ARAP3: variants seen among roughly 807,000 people sequenced by gnomAD.
The protein encoded by ARAP3 is arf-GAP with Rho-GAP domain, ANK repeat and PH domain-containing protein 3.
A neutral mutation model predicts 169.2 loss-of-function variants in ARAP3; 82 were observed. The observed-to-expected ratio is 0.48, with a 90% CI of 0.41 to 0.58. The LOEUF is 0.58. Ranked by LOEUF, ARAP3 falls within the 20% of genes least tolerant of loss-of-function variation. The probability of loss-of-function intolerance (pLI) is 0.00; values close to 1 mark genes in which losing one functional copy is unlikely to be tolerated. For synonymous variants in ARAP3, 791 were observed against 800.3 expected, an observed-to-expected ratio of 0.99 and a Z score of 0.20; for missense variants, 1,764 against 2,018.0, an observed-to-expected ratio of 0.87 and a Z score of 2.41.
intron 19 of ARAP3, 62 bp from the exon 20 acceptor site, chr5:141,662,317 C>A (rs1359797999): frequency 1.3e-6 from 2 of 1,523,584 alleles, no homozygotes; most frequent in Non-Finnish European, 1.8e-6. Flanking sequence ...CCACCACGGC[C>A]CATCTGTGGC....
chr5:141,672,996 G>A lies in ARAP3; in HGVS notation c.1093+17C>T. On this transcript the variant is annotated intron_variant, in intron 7 of 32. Coordinates refer to ENST00000239440, the MANE Select transcript of ARAP3 (RefSeq NM_022481.6). The surrounding 1 kb of genome is among the most constrained non-coding windows in gnomAD (Gnocchi z 4.9). The stretch of plus-strand genomic sequence containing the variant: ...CTCCCTCCCTCCTGCCCTGACTCAG[G>A]GGGCTGTGGCCCTCACCCTCGCTCT... The A allele has an allele frequency of 1.9e-6, 3 of 1,614,124 alleles. No individual in the cohort carries two copies. Among genetic ancestry groups the A allele is most frequent in the Non-Finnish European group, 1.7e-6 (2 of 1,180,008 alleles).
intron 3 of ARAP3, 32 bp downstream of exon 3, chr5:141,679,729 C>T (rs1309422899): frequency 6.2e-7 from 1 of 1,614,066 alleles, no homozygotes; most frequent in Non-Finnish European, 8.5e-7. Context: ...CCGGCACTAT[C>T]CCTCTCCCCC....
chr5:141,670,415 T>C, intron 14 of ARAP3, 97 bp downstream of exon 14: 1 of 1,321,508 alleles, frequency 7.6e-7, no homozygotes, highest in East Asian at 2.3e-5. Context: ...TGGCCCCACT[T>C]TCCCATCCCA....
chr5:141,677,481 C>G (rs1203348270), intron 4 of ARAP3, among the ~76,000 whole-genome samples: 1 of 148,164 alleles, frequency 6.7e-6, no homozygotes, highest in Non-Finnish European at 1.5e-5. Flanking sequence ...CTCTTTTTTT[C>G]TCACATCCCA....
chr5:141,656,954 T>C, intron 25 of ARAP3, 108 bp from the exon 26 acceptor site: 1 of 1,408,592 alleles, frequency 7.1e-7, no homozygotes, highest in Non-Finnish European at 9.5e-7. Context: ...CACAGACATT[T>C]ATTTTTCACT....
In ARAP3 at chr5:141,680,199, C is replaced by T. The variant is rs759786058; in HGVS notation, c.288G>A (p.Pro96=). 22 of 1,610,526 alleles carry T rather than the reference C, an allele frequency of 1.4e-5. No individual in the cohort carries two copies. Among genetic ancestry groups the T allele is most frequent in the East Asian group, 1.3e-4 (6 of 44,808 alleles). ...APQAQPPKPV[P]KPRTVFGGLS... ...GTCCACCAAACACGGTCCTGGGCTT[C>T]GGCACGGGCTTAGGGGGCTGGGCTT... is the stretch of plus-strand genomic sequence containing the variant. The change falls in exon 2 of 33, where the codon CCG becomes CCA. Residue 96 remains proline, a synonymous_variant. Coordinates refer to ENST00000239440, the MANE Select transcript of ARAP3 (RefSeq NM_022481.6).
chr5:141,675,662 G>A (rs1369684923), intron 4 of ARAP3, among the ~76,000 whole-genome samples: 2 of 151,772 alleles, frequency 1.3e-5, no homozygotes, highest in Non-Finnish European at 2.9e-5. Context: ...GGCGGAGGTT[G>A]CAGTGAGCAG....
At chr5:141,658,539 A>T (rs751369717) in intron 24 of ARAP3, 40 bp downstream of exon 24, 2 of 1,613,732 alleles carry the variant, frequency 1.2e-6, no homozygotes, top group Non-Finnish European at 8.5e-7. Context: ...CTGGAACCTC[A>T]CTATCCTCTT....
rs1271023529 is a variant in ARAP3 at position 141,671,021 on chromosome 5, T to G, written c.1990+244A>C. Among the ~76,000 whole-genome samples, 1 of 152,178 alleles carries G rather than the reference T, an allele frequency of 6.6e-6. No homozygotes were observed. The highest frequency in any genetic ancestry group is 1.5e-5 in the Non-Finnish European group (1 of 68,022). ...GTCTCCAGGGAGACTAGTCCTGACC[T>G]ATGGGTCGGCCCTGTCAGGGGTGGA... On this transcript the variant is annotated intron_variant, in intron 13 of 32. Coordinates refer to ENST00000239440, the MANE Select transcript of ARAP3 (RefSeq NM_022481.6). The surrounding 1 kb of genome is among the most constrained non-coding windows in gnomAD (Gnocchi z 4.9).
intron 22 of ARAP3, 81 bp from the exon 23 acceptor site, chr5:141,659,557 T>A: frequency 6.7e-7 from 1 of 1,495,832 alleles, no homozygotes; most frequent in Non-Finnish European, 9.3e-7. Flanking sequence ...AGGACCTGTT[T>A]AAGAGGGCTG....
intron 16 of ARAP3, 34 bp from the exon 17 acceptor site, chr5:141,666,677 G>T: frequency 8.5e-7 from 1 of 1,173,962 alleles, no homozygotes; most frequent in Non-Finnish European, 1.1e-6. Context: ...GAGAAAGGGG[G>T]ATGGGGGAAG....
In ARAP3 at chr5:141,680,226, C is replaced by A. The variant is rs746861995; in HGVS notation, c.261G>T (p.Pro87=). The change falls in exon 2 of 33, where the codon CCG becomes CCT. Residue 87 remains proline (P), a synonymous_variant. Coordinates refer to ENST00000239440, the MANE Select transcript of ARAP3 (RefSeq NM_022481.6). ...GCACGGGCTTAGGGGGCTGGGCTTG[C>A]GGGGCTGGGCTGGGGGATGGTTCCA... ...SAMEPSPSPA[P]QAQPPKPVPK... is the part of the protein sequence containing the mutation. The A allele has an allele frequency of 1.9e-6, 3 of 1,612,822 alleles. No individual in the cohort carries two copies. Among genetic ancestry groups the A allele is most frequent in the Non-Finnish European group, 2.5e-6 (3 of 1,179,442 alleles).
At chr5:141,678,581 C>T (rs80231409) in intron 4 of ARAP3, among the ~76,000 whole-genome samples, 20 of 151,956 alleles carry the variant, frequency 1.3e-4, no homozygotes, top group Middle Eastern at 6.8e-3. Context: ...TCCACCTCTC[C>T]GGTTCAAGCA....
In ARAP3 at chr5:141,653,758, G is replaced by T. The variant is rs1337495857; in HGVS notation, c.*192C>A. 2 of 600,260 alleles carry T rather than the reference G, an allele frequency of 3.3e-6. No individual in the cohort carries two copies. Among genetic ancestry groups the T allele is most frequent in the South Asian group, 4.5e-5 (1 of 22,350 alleles). The allele number at this position is 600,260 out of a possible 1,614,324, so 37.2% of individuals were successfully genotyped here. A position where few individuals can be genotyped will look rare whatever the true frequency, so the allele number is the denominator to read the frequency against. ...GTTACCTCATGGTATAGATAAATGG[G>T]CTGGGCCCAGAGAGGGGCCATGACC... On this transcript the variant is annotated 3_prime_UTR_variant, in exon 33 of 33. Coordinates refer to ENST00000239440, the MANE Select transcript of ARAP3 (RefSeq NM_022481.6).
intron 27 of ARAP3, 100 bp downstream of exon 27, chr5:141,656,404 G>A (rs1323212152): frequency 1.9e-6 from 3 of 1,585,348 alleles, no homozygotes; most frequent in Non-Finnish European, 2.6e-6. Flanking sequence ...GAAGCAATGA[G>A]ATTGATGAGA....
At position 141,680,065 on chromosome 5, in the gene ARAP3, G is replaced by T; in HGVS notation, c.422C>A (p.Ser141Tyr). Residue 141 changes from serine (S) to tyrosine (Y), a missense_variant, in exon 2 of 33, where the codon TCC becomes TAC. Around this residue, in one of 3 missense-constraint regions of ARAP3, gnomAD observed 630 missense variants for 678.7 expected, o/e 0.93. Coordinates refer to ENST00000239440, the MANE Select transcript of ARAP3 (RefSeq NM_022481.6). ...TAGGGCTGAAGACTGCTCAGAGGAG[G>T]AAGTGGGGAGAGGAGGAGGCCTTGG... Reference protein sequence around the residue: ...PSPRPPPLPTSSSEQSSALNT... With the variant: ...PSPRPPPLPTYSSEQSSALNT... 1.2e-6 allele frequency: 2 copies of T among 1,614,156 alleles called. No individual in the cohort carries two copies. The highest frequency in any genetic ancestry group is 1.7e-6 in the Non-Finnish European group (2 of 1,180,038).
Position 141,672,572 on chromosome 5 carries a change from G to T in ARAP3, c.1365C>A (p.Leu455=). ...CCCACCTGAAGCAGCGATGGGGTGTGAGCAGGTCAAAGCTTCGACTCTTGG... is the reference window on the plus strand; with the variant it reads ...CCCACCTGAAGCAGCGATGGGGTGTTAGCAGGTCAAAGCTTCGACTCTTGG... ...RETKSRSFDL[L]TPHRCFSFTA... is the part of the protein sequence containing the mutation. Residue 455 remains leucine (L), a synonymous_variant, in exon 9 of 33, where the codon CTC becomes CTA. Transcript: ENST00000239440. The surrounding 1 kb of genome is among the most constrained non-coding windows in gnomAD (Gnocchi z 4.9). 6.2e-7 allele frequency: 1 copy of T among 1,614,142 alleles called. No individual in the cohort carries two copies. The highest frequency in any genetic ancestry group is 1.1e-5 in the South Asian group (1 of 91,076).
At chr5:141,655,232 ACACACACACACACACACACACACACACC>A (rs2099909095) in intron 32 of ARAP3, 102 bp downstream of exon 32, 23 of 787,826 alleles carry the variant, frequency 2.9e-5, no homozygotes, top group African/African-American at 2.2e-4. Flanking sequence ...GCCTACACAC[ACACACACACACACACACACACACACACC>A]CCCTGATGGC....
chr5:141,679,987 C>T lies in ARAP3; in HGVS notation c.500G>A (p.Gly167Asp), dbSNP rs561821511. 1.2e-6 allele frequency: 2 copies of T among 1,614,094 alleles called. No individual in the cohort carries two copies. Among genetic ancestry groups the T allele is most frequent in the African/African-American group, 1.3e-5 (1 of 74,930 alleles). Residue 167 changes from glycine (G) to aspartate (D), a missense_variant, in exon 2 of 33, where the codon GGC becomes GAC. Physicochemically the swap from Gly to Asp is moderately conservative, Grantham distance 94 (BLOSUM62 -1). Transcript: ENST00000239440. ...NSIYFGLDSR[G>D]RAQAAQDKAP... is the part of the protein sequence containing the mutation. ...CTTGTCCTGAGCTGCCTGTGCCCTG[C>T]CTCTTGAGTCCAGGCCGAAGTAGAT...
Sources: gnomAD v4.1 joint callset for allele counts (sites outside exome capture counted in the v4.1 genomes callset) on GRCh38, gnomAD v4.1.1 for gene constraint, gnomAD v4.1.1 regional missense constraint, Gnocchi (gnomAD v3.1) non-coding constraint, MANE v1.5 for transcripts, NCBI Gene and HGNC (gene_info 2026-07-23, HGNC 2026-07-21) for gene names.